Variants in ARHGEF6 observed in about 807,000 individuals in gnomAD.
ARHGEF6 encodes the protein rho guanine nucleotide exchange factor 6.
In ARHGEF6, 9 loss-of-function variants were observed where a neutral mutation model predicts 70.3. The ratio of observed to expected loss-of-function variants is 0.13; its 90% confidence interval spans 0.08 to 0.22. The LOEUF is 0.22. Ranked by LOEUF, ARHGEF6 falls within the 10% of genes least tolerant of loss-of-function variation. The pLI is 1.00. For missense variants in ARHGEF6, 470 were observed against 563.0 expected, an observed-to-expected ratio of 0.83 and a Z score of 1.67; for synonymous variants, 201 against 207.8, an observed-to-expected ratio of 0.97 and a Z score of 0.28.
At chrX:136,686,728 A>ATG (rs1403714500) in intron 11 of ARHGEF6, among the ~76,000 whole-genome samples, 2 of 92,187 alleles carry the variant, frequency 2.2e-5, no homozygotes, top group African/African-American at 7.8e-5. Flanking sequence ...ATATATATAT[A>ATG]TATATATATC....
rs780127758 is a variant in ARHGEF6 at position 136,668,143 on chromosome X, C to T, written c.2217G>A (p.Leu739=). ...KQENKRMKQC[L]EEELKSRRDL... ...CCCTTCTTGATTTCAGTTCTTCTTC[C>T]AGGCATTGCTTCATTCTTTTATTTT... Residue 739 remains leucine, a synonymous_variant, in exon 22 of 22, where the codon CTG becomes CTA. Transcript: ENST00000250617. 5.0e-6 allele frequency: 6 copies of T among 1,211,554 alleles called. No homozygotes were observed. Among genetic ancestry groups the T allele is most frequent in the Admixed American group, 4.3e-5 (2 of 46,056 alleles).
chrX:136,670,395 A>G (rs1163377555), intron 20 of ARHGEF6, among the ~76,000 whole-genome samples: 3 of 111,945 alleles, frequency 2.7e-5, no homozygotes, highest in Non-Finnish European at 5.6e-5. Context: ...ATACAGATGC[A>G]ACCATCCATT....
chrX:136,761,913 T>C (rs866299914), intron 2 of ARHGEF6, among the ~76,000 whole-genome samples: 1 of 103,284 alleles, frequency 9.7e-6, no homozygotes, highest in African/African-American at 3.7e-5. Context: ...ATTTTTTTTC[T>C]TTTTTTTTTT....
At chrX:136,695,214 CAT>C (rs1156671809) in intron 9 of ARHGEF6, among the ~76,000 whole-genome samples, 2 of 112,210 alleles carry the variant, frequency 1.8e-5, no homozygotes, top group African/African-American at 6.5e-5. Context: ...ATTAAAAGCA[CAT>C]GTGAGAAAAA....
At chrX:136,723,540 A>C (rs2076821306) in intron 6 of ARHGEF6, among the ~76,000 whole-genome samples, 1 of 111,887 alleles carries the variant, frequency 8.9e-6, no homozygotes, top group Non-Finnish European at 1.9e-5. Context: ...ATTCATAGAA[A>C]TGGAGAGAAA....
chrX:136,707,904 T>C (rs2076642420), intron 8 of ARHGEF6, among the ~76,000 whole-genome samples: 1 of 112,049 alleles, frequency 8.9e-6, no homozygotes, highest in Non-Finnish European at 1.9e-5. Flanking sequence ...ATCATTATAG[T>C]TCACTGTAGT....
intron 2 of ARHGEF6, among the ~76,000 whole-genome samples, chrX:136,748,549 C>T (rs997353847): frequency 8.9e-6 from 1 of 112,081 alleles, no homozygotes; most frequent in Non-Finnish European, 1.9e-5. Context: ...ATTAATTTGC[C>T]AGCCAACAAT....
At chrX:136,752,655 T>A (rs1039707519) in intron 2 of ARHGEF6, among the ~76,000 whole-genome samples, 7 of 111,925 alleles carry the variant, frequency 6.3e-5, no homozygotes, top group Non-Finnish European at 1.3e-4. Flanking sequence ...TAAAGGTAAT[T>A]TAAGGTTGGG....
At chrX:136,759,471 A>C (rs1412663854) in intron 2 of ARHGEF6, among the ~76,000 whole-genome samples, 1 of 110,994 alleles carries the variant, frequency 9.0e-6, no homozygotes, top group African/African-American at 3.3e-5. Flanking sequence ...GAAACTAAAA[A>C]TACAAAAAAT....
intron 5 of ARHGEF6, among the ~76,000 whole-genome samples, chrX:136,740,305 G>T (rs968422622): frequency 5.4e-5 from 6 of 111,342 alleles, no homozygotes; most frequent in African/African-American, 2.0e-4. Context: ...CACCGTGCCC[G>T]GCCCCAAGTT....
In ARHGEF6 at chrX:136,679,550, T is replaced by G; in HGVS notation, c.1815A>C (p.Ala605=). ...GCAAAATTACCTCTTTATAACCTAG[T>G]GCTGCTGATGGTCTAAGTGGAGGTG... The part of the protein sequence containing the change: ...RPAPPLRPSA[A]LGYKERMSYI... The change falls in exon 16 of 22, where the codon GCA becomes GCC. Residue 605 remains alanine (A), a synonymous_variant. Coordinates refer to ENST00000250617, the MANE Select transcript of ARHGEF6 (RefSeq NM_004840.3). 8.3e-7 allele frequency: 1 copy of G among 1,211,544 alleles called. No homozygotes were observed. The highest frequency in any genetic ancestry group is 1.8e-5 in the South Asian group (1 of 56,991).
intron 6 of ARHGEF6, among the ~76,000 whole-genome samples, chrX:136,727,409 C>CT (rs1297248225): frequency 6.4e-5 from 6 of 93,826 alleles, no homozygotes; most frequent in African/African-American, 2.0e-4. Context: ...CTCTCTCTCT[C>CT]TCTCTTTCTT....
At chrX:136,779,208 G>A (rs935459432) in intron 2 of ARHGEF6, among the ~76,000 whole-genome samples, 5 of 112,127 alleles carry the variant, frequency 4.5e-5, no homozygotes, top group African/African-American at 1.6e-4. Context: ...GCATTATTGT[G>A]TGAGTTTTTA....
intron 2 of ARHGEF6, among the ~76,000 whole-genome samples, chrX:136,766,502 A>G (rs2148681381): frequency 8.9e-6 from 1 of 111,749 alleles, no homozygotes; most frequent in South Asian, 3.7e-4. Flanking sequence ...AAAGGGAAAA[A>G]TATCATGTGA....
chrX:136,669,533 G>T lies in ARHGEF6; in HGVS notation c.2139C>A (p.Ser713Arg). ...TCAAGGCGTAAACAGTATCAACAAG[G>T]CTCCTAGAAAATAAAGATAAAATTC... ...SNGQTIMEEK[S>R]LVDTVYALKD... Residue 713 changes from serine to arginine, a missense_variant, in exon 21 of 22, where the codon AGC becomes AGA. Physicochemically the swap from Ser to Arg is moderately radical, Grantham distance 110. Around this residue, in one of 3 missense-constraint regions of ARHGEF6, gnomAD observed 88 missense variants for 95.5 expected, o/e 0.92. Coordinates refer to ENST00000250617, the MANE Select transcript of ARHGEF6 (RefSeq NM_004840.3). 2 of 1,204,736 alleles carry T rather than the reference G, an allele frequency of 1.7e-6. No homozygotes were observed. The highest frequency in any genetic ancestry group is 2.2e-6 in the Non-Finnish European group (2 of 889,345).
At chrX:136,687,229 C>T in intron 11 of ARHGEF6, among the ~76,000 whole-genome samples, 1 of 111,934 alleles carries the variant, frequency 8.9e-6, no homozygotes, top group Non-Finnish European at 1.9e-5. Flanking sequence ...CAACTACAGA[C>T]ACGTCAATTA....
intron 6 of ARHGEF6, among the ~76,000 whole-genome samples, chrX:136,715,775 A>G (rs1488098132): frequency 1.8e-5 from 2 of 111,681 alleles, no homozygotes; most frequent in Non-Finnish European, 3.8e-5. Context: ...CTCTCAGTGA[A>G]GATTAGAGGA....
intron 2 of ARHGEF6, among the ~76,000 whole-genome samples, chrX:136,763,173 G>A (rs1309416204): frequency 8.9e-6 from 1 of 111,961 alleles, no homozygotes; most frequent in African/African-American, 3.3e-5. Flanking sequence ...ATCTAGGGCA[G>A]CCCCTCATTT....
chrX:136,685,709 A>C lies in ARHGEF6; in HGVS notation c.1360T>G (p.Ser454Ala), dbSNP rs2076378762. ...IKNLGNVIFM[S>A]QVMVQYGACE... Reference sequence around the variant, plus strand: ...GCTCCATACTGCACCATTACTTGTGACATAAAAATCACATTTCCCAAGTTT... The same window carrying C: ...GCTCCATACTGCACCATTACTTGTGCCATAAAAATCACATTTCCCAAGTTT... The change falls in exon 12 of 22, where the codon TCA (serine) becomes GCA (alanine). Residue 454 changes from serine to alanine, a missense_variant. Transcript: ENST00000250617. 1.7e-6 allele frequency: 2 copies of C among 1,210,956 alleles called. No homozygotes were observed. The highest frequency in any genetic ancestry group is 2.2e-6 in the Non-Finnish European group (2 of 894,925).
Sources: gnomAD v4.1 joint callset for allele counts (sites outside exome capture counted in the v4.1 genomes callset) on GRCh38, gnomAD v4.1.1 for gene constraint, gnomAD v4.1.1 regional missense constraint, MANE v1.5 for transcripts, NCBI Gene and HGNC (gene_info 2026-07-23, HGNC 2026-07-21) for gene names.